The following SNX18 variants were observed in gnomAD, a reference collection of about 807,000 sequenced individuals.
SNX18 encodes sorting nexin-18.
Under a neutral mutation model 48.7 loss-of-function variants are expected in SNX18, and 35 were observed. The observed-to-expected ratio is 0.72, with a 90% CI of 0.55 to 0.95. SNX18 has a LOEUF of 0.95. Ranked by LOEUF, SNX18 falls within the 40% of genes least tolerant of loss-of-function variation. SNX18 has a pLI of 0.00. For missense variants in SNX18, 824 were observed against 871.0 expected (o/e 0.95, Z 0.68); for synonymous variants, 492 against 384.7 (o/e 1.28, Z -3.26).
chr5:54,568,486 G>T, the SNX18 span, among the ~76,000 whole-genome samples: 1 of 152,112 alleles, frequency 6.6e-6, no homozygotes, highest in Non-Finnish European at 1.5e-5. Context: ...TTGACTCATT[G>T]CTCTTTCCAC....
chr5:54,637,997 G>A, the SNX18 span, among the ~76,000 whole-genome samples: 1 of 152,082 alleles, frequency 6.6e-6, no homozygotes, highest in Non-Finnish European at 1.5e-5. Flanking sequence ...GAGAGAGAGA[G>A]AGAGAGAGAG....
chr5:54,614,518 A>G, the SNX18 span, among the ~76,000 whole-genome samples: 151 of 152,270 alleles, frequency 9.9e-4, 2 homozygotes, highest in East Asian at 0.025. Context: ...AATGAGAAAG[A>G]TTTAAGGGCC....
the SNX18 span, among the ~76,000 whole-genome samples, chr5:54,612,204 G>A: frequency 1.3e-5 from 2 of 152,092 alleles, no homozygotes; most frequent in Non-Finnish European, 2.9e-5. Flanking sequence ...CTTTGGCAGA[G>A]GAGCAATTAA....
At chr5:54,569,706 G>A in the SNX18 span, among the ~76,000 whole-genome samples, 1 of 152,168 alleles carries the variant, frequency 6.6e-6, no homozygotes, top group African/African-American at 2.4e-5. Context: ...GGTGGCCTCA[G>A]GACAGTTGGA....
At chr5:54,595,693 C>CA in the SNX18 span, among the ~76,000 whole-genome samples, 6 of 152,140 alleles carry the variant, frequency 3.9e-5, no homozygotes, top group Non-Finnish European at 8.8e-5. Flanking sequence ...ATGGGACACA[C>CA]GTTGTATTGG....
intron 1 of SNX18, among the ~76,000 whole-genome samples, chr5:54,539,240 A>C (rs1486039224): frequency 1.4e-5 from 2 of 146,120 alleles, no homozygotes; most frequent in African/African-American, 5.1e-5. Flanking sequence ...TCAGTTATGC[A>C]TTCAGATCCC....
the SNX18 span, among the ~76,000 whole-genome samples, chr5:54,588,327 T>C: frequency 8.0e-5 from 3 of 37,378 alleles, no homozygotes; most frequent in Non-Finnish European, 1.7e-4. Context: ...TTTTTTTTTT[T>C]TTTTTTTTTT....
chr5:54,606,756 AC>A, the SNX18 span, among the ~76,000 whole-genome samples: 3 of 152,334 alleles, frequency 2.0e-5, no homozygotes, highest in African/African-American at 7.2e-5. Context: ...TAATATCACA[AC>A]CAGGAGATTG....
chr5:54,609,437 C>T, the SNX18 span, among the ~76,000 whole-genome samples: 21 of 152,120 alleles, frequency 1.4e-4, no homozygotes, highest in Middle Eastern at 3.4e-3. Flanking sequence ...GGACGTCATC[C>T]GCAATCTCTA....
chr5:54,638,644 A>G, the SNX18 span, among the ~76,000 whole-genome samples: 1 of 152,234 alleles, frequency 6.6e-6, no homozygotes, highest in Admixed American at 6.5e-5. Context: ...AATGACTGGC[A>G]CTGACTGCTA....
intron 1 of SNX18, among the ~76,000 whole-genome samples, chr5:54,538,718 A>G (rs532155700): frequency 1.3e-5 from 2 of 152,346 alleles, no homozygotes; most frequent in East Asian, 1.9e-4. Flanking sequence ...CATTCTGAAC[A>G]TTAACAGCCA....
At chr5:54,548,176 C>T (rs537342610), downstream of SNX18, among the ~76,000 whole-genome samples, 1 of 152,322 alleles carries the variant, frequency 6.6e-6, no homozygotes, top group African/African-American at 2.4e-5. Context: ...CTCAAACTGC[C>T]TGCCTGTCTT....
chr5:54,581,537 C>G, the SNX18 span, among the ~76,000 whole-genome samples: 3 of 152,130 alleles, frequency 2.0e-5, no homozygotes, highest in Non-Finnish European at 2.9e-5. Flanking sequence ...CCAGACTTCT[C>G]CCTGGGCTCA....
the SNX18 span, among the ~76,000 whole-genome samples, chr5:54,565,213 C>A: frequency 1.3e-5 from 2 of 152,190 alleles, no homozygotes; most frequent in African/African-American, 4.8e-5. Context: ...TTCACAGGTT[C>A]CTGGAATTAG....
the SNX18 span, among the ~76,000 whole-genome samples, chr5:54,579,664 G>GT: frequency 6.6e-6 from 1 of 152,174 alleles, no homozygotes; most frequent in Non-Finnish European, 1.5e-5. Flanking sequence ...AAGTACACAT[G>GT]TGAGGCTTTT....
chr5:54,520,511 G>GGCAGGGAAACTTACTCCTGA (rs1561113070), intron 1 of SNX18: 1 of 160,494 alleles, frequency 6.2e-6, no homozygotes, highest in Non-Finnish European at 1.5e-5. Context: ...GGGGCGGCTG[G>GGCAGGGAAACTTACTCCTGA]GCAGGGAAAC....
rs371856871 is a variant in SNX18, at chr5:54,518,840, C to T, written c.888C>T (p.Ile296=). 1.8e-4 allele frequency: 285 copies of T among 1,610,658 alleles called. No individual in the cohort carries two copies. The highest frequency in any genetic ancestry group is 2.2e-4 in the Non-Finnish European group (259 of 1,178,006). ...AGTTCAAGGGCATGAAGAGCTACAT[C>T]TCCTACAAGCTGGTGCCCACGCACA... is the stretch of plus-strand genomic sequence containing the variant. ...QTKFKGMKSY[I]SYKLVPTHTQ... Residue 296 remains isoleucine (I), a synonymous_variant, in exon 1 of 2, where the codon ATC becomes ATT. Transcript: ENST00000381410.
the SNX18 span, among the ~76,000 whole-genome samples, chr5:54,625,432 T>A: frequency 6.6e-6 from 1 of 152,196 alleles, no homozygotes; most frequent in East Asian, 1.9e-4. Flanking sequence ...TATGTCCTTG[T>A]TGGATCTTGG....
chr5:54,628,438 G>A, the SNX18 span, among the ~76,000 whole-genome samples: 1 of 152,162 alleles, frequency 6.6e-6, no homozygotes, highest in Admixed American at 6.5e-5. Flanking sequence ...TGTCACTCTG[G>A]CCTCCGTCTT....
Sources: gnomAD v4.1 joint callset for allele counts (sites outside exome capture counted in the v4.1 genomes callset) on GRCh38, gnomAD v4.1.1 for gene constraint, MANE v1.5 for transcripts, NCBI Gene and HGNC (gene_info 2026-07-23, HGNC 2026-07-21) for gene names.